PKHD1L1: variants seen among roughly 807,000 people sequenced by gnomAD.
PKHD1L1 encodes the protein fibrocystin-L.
A neutral mutation model predicts 462.9 loss-of-function variants in PKHD1L1; 434 were observed. The ratio of observed to expected loss-of-function variants is 0.94; its 90% CI spans 0.87 to 1.02. The LOEUF (loss-of-function observed/expected upper bound fraction) is 1.02, where lower values mean the gene tolerates loss of function less well. PKHD1L1 is among the 50% of genes least tolerant of loss of function. PKHD1L1 has a pLI of 0.00. For missense variants in PKHD1L1, 5,202 were observed against 5,096.1 expected, an observed-to-expected ratio of 1.02 and a Z score of -0.63; for synonymous variants, 1,781 against 1,750.0, an observed-to-expected ratio of 1.02 and a Z score of -0.44.
rs893508530 is a variant in PKHD1L1 at position 109,388,681 on chromosome 8, A to T, written c.623+131A>T. The T allele has an allele frequency of 7.4e-6, 5 of 672,424 alleles. No homozygotes were observed. In the African/African-American group the frequency reaches 9.2e-5, roughly 12 times the overall value. 41.7% of individuals were successfully genotyped at this position (672,424 alleles called of 1,614,324 possible). A position where few individuals can be genotyped will look rare whatever the true frequency, so the allele number is the denominator to read the frequency against. ...TACAGTATAAATTATAATATTCCAC[A>T]TAGCGCATTAGCAATCATTTTTACA... On this transcript the variant is annotated intron_variant, in intron 7 of 77. Coordinates refer to ENST00000378402, the MANE Select transcript of PKHD1L1 (RefSeq NM_177531.6).
rs1372317015 is a variant in PKHD1L1 at position 109,531,819 on chromosome 8, G to T, written c.*1729G>T. Reference sequence around the variant, plus strand: ...ACAGAGCACTTTTATACTCCCCTCAGTTCCAACCCTGGTGGGGTGAAAAAC... The same window carrying T: ...ACAGAGCACTTTTATACTCCCCTCATTTCCAACCCTGGTGGGGTGAAAAAC... On this transcript the variant is annotated 3_prime_UTR_variant, in exon 78 of 78. Transcript: ENST00000378402. 6.6e-6 allele frequency among the ~76,000 whole-genome samples: 1 copy of T among 152,146 alleles called. No homozygotes were observed. Among genetic ancestry groups the T allele is most frequent in the Admixed American group, 6.5e-5 (1 of 15,280 alleles).
chr8:109,462,380 G>A (rs1292424452), intron 48 of PKHD1L1, among the ~76,000 whole-genome samples: 1 of 152,020 alleles, frequency 6.6e-6, no homozygotes, highest in Non-Finnish European at 1.5e-5. Flanking sequence ...ACAGGTCCAA[G>A]TCCATCCCAT....
chr8:109,404,756 G>A (rs767442443), intron 15 of PKHD1L1, 43 bp downstream of exon 15: 52 of 1,513,882 alleles, frequency 3.4e-5, no homozygotes, highest in Non-Finnish European at 4.0e-5. Context: ...GTAAATGTTC[G>A]AAGGCAGGAT....
Position 109,482,973 on chromosome 8 carries a change from CT to C in PKHD1L1, c.9458-10del. 1.3e-6 allele frequency: 2 copies of C among 1,548,870 alleles called. No individual in the cohort carries two copies. The highest frequency in any genetic ancestry group is 1.4e-5 in the African/African-American group (1 of 71,660). ...TGTGGGGTGAATAAGTAGGAGTGTGCTTTTCTTCTTTAGGGGTGTTTGGTGA... is the reference window on the plus strand; with the variant it reads ...TGTGGGGTGAATAAGTAGGAGTGTGCTTTCTTCTTTAGGGGTGTTTGGTGA... On this transcript the variant is annotated splice_polypyrimidine_tract_variant and intron_variant, in intron 56 of 77. Coordinates refer to ENST00000378402, the MANE Select transcript of PKHD1L1 (RefSeq NM_177531.6).
At chr8:109,380,023 T>C (rs1281917619) in intron 2 of PKHD1L1, among the ~76,000 whole-genome samples, 2 of 152,146 alleles carry the variant, frequency 1.3e-5, no homozygotes, top group Non-Finnish European at 2.9e-5. Flanking sequence ...CTCAGATTTC[T>C]CCAGGATGAA....
chr8:109,504,108 A>G (rs917944167), intron 67 of PKHD1L1, among the ~76,000 whole-genome samples: 4 of 152,226 alleles, frequency 2.6e-5, no homozygotes, highest in Non-Finnish European at 5.9e-5. Flanking sequence ...TACATGGCCA[A>G]GCCCGGAGAA....
chr8:109,383,441 T>C (rs958686201), intron 4 of PKHD1L1, among the ~76,000 whole-genome samples: 1 of 124,398 alleles, frequency 8.0e-6, no homozygotes, highest in African/African-American at 3.0e-5. Context: ...AATATATAAA[T>C]ATATTATAAG....
intron 71 of PKHD1L1, 30 bp downstream of exon 71, chr8:109,510,964 T>C (rs1563625338): frequency 6.2e-7 from 1 of 1,601,304 alleles, no homozygotes; most frequent in Non-Finnish European, 8.5e-7. Context: ...GAGTAATTGC[T>C]GTTGATTATT....
intron 10 of PKHD1L1, among the ~76,000 whole-genome samples, chr8:109,394,758 T>C (rs1021646154): frequency 6.6e-6 from 1 of 152,226 alleles, no homozygotes; most frequent in Non-Finnish European, 1.5e-5. Context: ...GTTTCAACTT[T>C]GGCTATTGGT....
chr8:109,476,322 C>A (rs547522860), intron 51 of PKHD1L1, among the ~76,000 whole-genome samples, 186 bp from the exon 52 acceptor site: 2 of 151,886 alleles, frequency 1.3e-5, no homozygotes, highest in African/African-American at 4.8e-5. Flanking sequence ...AGTGACAGAA[C>A]TAGCATTATT....
intron 2 of PKHD1L1, 91 bp downstream of exon 2, chr8:109,364,727 C>T: frequency 1.3e-6 from 1 of 763,066 alleles, no homozygotes; most frequent in Non-Finnish European, 2.0e-6. Context: ...AACAAACAAA[C>T]AAGCACCACT....
intron 73 of PKHD1L1, among the ~76,000 whole-genome samples, chr8:109,521,159 TG>T (rs1009063319): frequency 1.3e-5 from 2 of 152,168 alleles, no homozygotes; most frequent in African/African-American, 4.8e-5. Context: ...CTTAGGACTG[TG>T]GGGTTCATAG....
rs978815271 is a variant in PKHD1L1 at position 109,480,302 on chromosome 8, TCTC to T, written c.9327+166_9327+168del. Among the ~76,000 whole-genome samples the T allele has an allele frequency of 3.7e-4, 57 of 152,044 alleles. 1 individual carries two copies. Among genetic ancestry groups the T allele is most frequent in the African/African-American group, 1.4e-3 (57 of 41,430 alleles). On this transcript the variant is annotated intron_variant, in intron 55 of 77. Transcript: ENST00000378402. Reference sequence around the variant, plus strand: ...TCAGTTAAGTCCAATATATTTCTGTTCTCCTTTAAATTATGGACTAAACATTTC... The same window carrying T: ...TCAGTTAAGTCCAATATATTTCTGTTCTTTAAATTATGGACTAAACATTTC...
intron 57 of PKHD1L1, among the ~76,000 whole-genome samples, 185 bp downstream of exon 57, chr8:109,483,290 T>C (rs1445479312): frequency 1.3e-5 from 2 of 151,472 alleles, no homozygotes; most frequent in Admixed American, 6.6e-5. Flanking sequence ...GCTTCAATGG[T>C]CCTTTAAAAT....
At chr8:109,442,650 T>A (rs113073225) in intron 35 of PKHD1L1, among the ~76,000 whole-genome samples, 247 of 152,182 alleles carry the variant, frequency 1.6e-3, no homozygotes, top group African/African-American at 5.1e-3. Context: ...GAAAAAAAAA[T>A]TTTCTTTCAT....
At position 109,409,882 on chromosome 8, in the gene PKHD1L1, A is replaced by G; in HGVS notation, c.1989A>G (p.Glu663=). The G allele has an allele frequency of 6.3e-7, 1 of 1,588,502 alleles. No homozygotes were observed. Among genetic ancestry groups the G allele is most frequent in the Non-Finnish European group, 8.5e-7 (1 of 1,170,722 alleles). The change falls in exon 19 of 78, where the codon GAA becomes GAG. Residue 663 remains glutamate, a synonymous_variant. Transcript: ENST00000378402. Reference sequence around the variant, plus strand: ...TAATTTAGTTTCAGGGAGCAGTGGAAGAAATGGTTAGCACTAAGTGTCCAC... The same window carrying G: ...TAATTTAGTTTCAGGGAGCAGTGGAGGAAATGGTTAGCACTAAGTGTCCAC... ...SSEAEFQGAV[E]EMVSTKCPPQ...
In PKHD1L1 at chr8:109,466,651, G is replaced by C. The variant is rs750272827; in HGVS notation, c.8487G>C (p.Trp2829Cys). ...CTCATTGTACTCAGGAAGCTGAGTG[G>C]AGCATTGGGTTCCCTGGATCAGTCT... Reference protein sequence around the residue: ...DPSHCTQEAEWSIGFPGSVCD... With the variant: ...DPSHCTQEAECSIGFPGSVCD... The change falls in exon 50 of 78, where the codon TGG (tryptophan) becomes TGC (cysteine). Residue 2829 changes from tryptophan (W) to cysteine (C), a missense_variant. This residue lies in a region of PKHD1L1 where 4,497 missense variants were observed against 4,336.8 expected (regional missense o/e 1.04). Coordinates refer to ENST00000378402, the MANE Select transcript of PKHD1L1 (RefSeq NM_177531.6). The C allele has an allele frequency of 8.7e-6, 14 of 1,610,420 alleles. 1 individual carries two copies. In the South Asian group the frequency reaches 1.6e-4, roughly 18 times the overall value.
rs758056690 is a variant in PKHD1L1 at position 109,481,507 on chromosome 8, T to C, written c.9402T>C (p.His3134=). The C allele has an allele frequency of 1.3e-6, 2 of 1,596,736 alleles. No homozygotes were observed. The highest frequency in any genetic ancestry group is 2.3e-5 in the South Asian group (2 of 88,040). Residue 3134 remains histidine, a synonymous_variant, in exon 56 of 78, where the codon CAT becomes CAC. Transcript: ENST00000378402. Reference sequence around the variant, plus strand: ...TAAAGATTGTTCTTAGAGGAAATCATACTACACAAGACTGGGCTCTTCCAG... The same window carrying C: ...TAAAGATTGTTCTTAGAGGAAATCACACTACACAAGACTGGGCTCTTCCAG... ...GDLKIVLRGN[H]TTQDWALPEG...
At chr8:109,471,236 TG>T in intron 50 of PKHD1L1, 1 of 567,910 alleles carries the variant, frequency 1.8e-6, no homozygotes, top group Non-Finnish European at 2.8e-6. Flanking sequence ...AAGGGTTTTA[TG>T]AGTTCTTCTT....
Sources: gnomAD v4.1 joint callset for allele counts (sites outside exome capture counted in the v4.1 genomes callset) on GRCh38, gnomAD v4.1.1 for gene constraint, gnomAD v4.1.1 regional missense constraint, MANE v1.5 for transcripts, NCBI Gene and HGNC (gene_info 2026-07-23, HGNC 2026-07-21) for gene names.